PLA2G6: variants seen among roughly 807,000 people sequenced by gnomAD.
PLA2G6 encodes the protein 85/88 kDa calcium-independent phospholipase A2.
PLA2G6 carries 62 observed loss-of-function variants against 83.8 expected under a neutral mutation model. The observed-to-expected ratio is 0.74, with a 90% CI of 0.60 to 0.91. PLA2G6 has a LOEUF of 0.91. Ranked by LOEUF, PLA2G6 falls within the 40% of genes least tolerant of loss-of-function variation. The pLI, the probability that PLA2G6 is intolerant of heterozygous loss-of-function variation, is 0.00. For missense variants in PLA2G6, 944 were observed against 1,102.0 expected, an observed-to-expected ratio of 0.86 and a Z score of 2.03; for synonymous variants, 417 against 449.8, an observed-to-expected ratio of 0.93 and a Z score of 0.92.
chr22:38,171,943 T>A (rs1293722193), intron 1 of PLA2G6, among the ~76,000 whole-genome samples: 1 of 152,086 alleles, frequency 6.6e-6, no homozygotes, highest in African/African-American at 2.4e-5. Flanking sequence ...ATTACAGGTG[T>A]GAGTCACCGT....
chr22:38,121,801 G>C (rs2087543323), intron 11 of PLA2G6, among the ~76,000 whole-genome samples: 1 of 152,202 alleles, frequency 6.6e-6, no homozygotes, highest in Admixed American at 6.5e-5. Context: ...CAGTCTGCCT[G>C]CTCAGACCTC....
At chr22:38,177,699 G>A (rs1488874307) in intron 1 of PLA2G6, among the ~76,000 whole-genome samples, 1 of 152,144 alleles carries the variant, frequency 6.6e-6, no homozygotes, top group East Asian at 1.9e-4. Flanking sequence ...CCTGACCTCC[G>A]GTGATCCGCC....
intron 10 of PLA2G6, chr22:38,125,594 G>A (rs11570713): frequency 0.01 from 4,661 of 460,752 alleles, 186 homozygotes; most frequent in African/African-American, 0.086. Context: ...CACAAAGGAC[G>A]TGGGTTCGGA....
intron 2 of PLA2G6, among the ~76,000 whole-genome samples, chr22:38,150,991 G>A (rs917774226): frequency 6.6e-6 from 1 of 152,166 alleles, no homozygotes; most frequent in Non-Finnish European, 1.5e-5. Flanking sequence ...GGAGGTTGAG[G>A]GAGGAGAATC....
chr22:38,139,892 T>C (rs2088792564), intron 5 of PLA2G6, 90 bp downstream of exon 5: 1 of 1,039,446 alleles, frequency 9.6e-7, no homozygotes, highest in East Asian at 2.6e-5. Flanking sequence ...CTAAGATCTA[T>C]GGTGGATACT....
At chr22:38,112,936 T>TCC in intron 15 of PLA2G6, 1 of 411,414 alleles carries the variant, frequency 2.4e-6, no homozygotes, top group South Asian at 2.3e-5. Flanking sequence ...AGACAAGGTC[T>TCC]CCTTCTGTTG....
rs531976631 is a variant in PLA2G6 at position 38,143,280 on chromosome 22, T to C, written c.434A>G (p.Asn145Ser). The C allele has an allele frequency of 8.7e-6, 14 of 1,611,816 alleles. No individual in the cohort carries two copies. In the African/African-American group the frequency reaches 1.2e-4, roughly 14 times the overall value. ...GCAGCCCTCCTCGTTCTCCGCGCAA[T>C]TGGCACAGCTGCAGGAGAGGGCCAG... ...FHHSRIISCA[N>S]CAENEEGCTP... Residue 145 changes from asparagine to serine, a missense_variant, in exon 4 of 17, where the codon AAT becomes AGT. Transcript: ENST00000332509.
chr22:38,128,997 A>G lies in PLA2G6; in HGVS notation c.1186+457T>C, dbSNP rs1421590423. On this transcript the variant is annotated intron_variant, in intron 8 of 16. Coordinates refer to ENST00000332509, the MANE Select transcript of PLA2G6 (RefSeq NM_003560.4). This position sits in a 1 kb window ranked among gnomAD's most constrained non-coding sequence, Gnocchi z 4.4. The stretch of plus-strand genomic sequence containing the variant: ...CTGGTGAGGAGGATCTGCTCTGTCC[A>G]GCTCTGAAGCTAAGGCTCACTGTGC... Among the ~76,000 whole-genome samples, 2 of 152,254 alleles carry G rather than the reference A, an allele frequency of 1.3e-5. No homozygotes were observed. Among genetic ancestry groups the G allele is most frequent in the Non-Finnish European group, 2.9e-5 (2 of 68,036 alleles).
At chr22:38,120,932 C>A (rs764002301) in intron 11 of PLA2G6, 23 bp from the exon 12 acceptor site, 10 of 1,611,666 alleles carry the variant, frequency 6.2e-6, no homozygotes, top group African/African-American at 1.3e-5. Flanking sequence ...GGGTCAGAGG[C>A]GGGGAGATGC....
At chr22:38,152,976 A>T (rs1233573731) in intron 2 of PLA2G6, among the ~76,000 whole-genome samples, 1 of 152,214 alleles carries the variant, frequency 6.6e-6, no homozygotes, top group Non-Finnish European at 1.5e-5. Context: ...GGGAAAAAAA[A>T]AAAGGAAGCA....
chr22:38,148,200 G>A, intron 2 of PLA2G6: 1 of 347,724 alleles, frequency 2.9e-6, no homozygotes, highest in Non-Finnish European at 5.4e-6. Context: ...TGATTAAAGT[G>A]GGTTTAAGGA....
intron 5 of PLA2G6, chr22:38,135,836 G>A (rs919090360): frequency 1.3e-5 from 2 of 152,208 alleles, no homozygotes; most frequent in African/African-American, 4.8e-5. Context: ...GATCACCTGA[G>A]GTCGGAAGTA....
intron 3 of PLA2G6, chr22:38,144,658 A>C (rs2089134973): frequency 7.0e-6 from 1 of 143,594 alleles, no homozygotes; most frequent in South Asian, 2.1e-4. Flanking sequence ...AAAAAAAAAA[A>C]TTACCCGGGC....
rs769786909 is a variant in PLA2G6 at position 38,140,116 on chromosome 22, C to A, written c.663G>T (p.Leu221=). 5.0e-6 allele frequency: 8 copies of A among 1,614,130 alleles called. No homozygotes were observed. The Admixed American group carries it at 1.2e-4, about 24-fold the overall frequency. ...GCTGGCAGGCCAGGTGCAGCGGGGTCAGCCCTTGGTTATTCACCTGGTTCA... is the reference window on the plus strand; with the variant it reads ...GCTGGCAGGCCAGGTGCAGCGGGGTAAGCCCTTGGTTATTCACCTGGTTCA... ...AGLNQVNNQG[L]TPLHLACQLG... is the part of the protein sequence containing the mutation. The change falls in exon 5 of 17, where the codon CTG becomes CTT. Residue 221 remains leucine, a synonymous_variant. Coordinates refer to ENST00000332509, the MANE Select transcript of PLA2G6 (RefSeq NM_003560.4).
At chr22:38,169,544 C>T in intron 1 of PLA2G6, 73 bp from the exon 2 acceptor site, 1 of 830,512 alleles carries the variant, frequency 1.2e-6, no homozygotes, top group Non-Finnish European at 2.0e-6. Flanking sequence ...CAGCGGTTTC[C>T]TGCACAGACA....
At chr22:38,155,188 C>G (rs1381381991) in intron 2 of PLA2G6, among the ~76,000 whole-genome samples, 1 of 151,354 alleles carries the variant, frequency 6.6e-6, no homozygotes, top group Non-Finnish European at 1.5e-5. Context: ...AATCGCGCCA[C>G]TGCACTCCAG....
intron 7 of PLA2G6, chr22:38,131,217 C>T (rs1228993144): frequency 6.6e-6 from 1 of 152,046 alleles, no homozygotes; most frequent in Non-Finnish European, 1.5e-5. Flanking sequence ...TAGAGATGGG[C>T]TTTCGCCATG....
intron 16 of PLA2G6, 72 bp from the exon 17 acceptor site, chr22:38,112,377 G>A: frequency 2.6e-6 from 4 of 1,566,614 alleles, no homozygotes; most frequent in Non-Finnish European, 2.6e-6. Flanking sequence ...CTAGGACCAG[G>A]GTGGGCTTGG....
In PLA2G6 at chr22:38,121,006, G is replaced by A. The variant is rs755719764; in HGVS notation, c.1592-97C>T. The A allele has an allele frequency of 5.2e-4, 754 of 1,459,804 alleles. 1 individual carries two copies. Among genetic ancestry groups the A allele is most frequent in the Non-Finnish European group, 6.6e-4 (700 of 1,059,790 alleles). 90.4% of individuals were successfully genotyped at this position (1,459,804 alleles called of 1,614,324 possible). ...AGCGCCTGAACGCAGGAGGTGGCAG[G>A]AGGAAGCGGGTTTACCGAGGCCTAA... On this transcript the variant is annotated intron_variant, in intron 11 of 16. Transcript: ENST00000332509.
Sources: gnomAD v4.1 joint callset for allele counts (sites outside exome capture counted in the v4.1 genomes callset) on GRCh38, gnomAD v4.1.1 for gene constraint, Gnocchi (gnomAD v3.1) non-coding constraint, MANE v1.5 for transcripts, NCBI Gene and HGNC (gene_info 2026-07-23, HGNC 2026-07-21) for gene names.